The following KCNH7 variants were observed in gnomAD, a reference collection of about 807,000 sequenced individuals.
The protein encoded by KCNH7 is voltage-gated inwardly rectifying potassium channel KCNH7.
Under a neutral mutation model 120.8 loss-of-function variants are expected in KCNH7, and 49 were observed. That is an observed-to-expected ratio of 0.41 (90% CI 0.32 to 0.51). KCNH7 has a LOEUF of 0.51. Among genes scored for constraint, KCNH7 ranks in the 20% least tolerant of loss-of-function variants. KCNH7 has a pLI of 0.38. For synonymous variants in KCNH7, 547 were observed against 516.1 expected (o/e 1.06, Z -0.81); for missense variants, 1,097 against 1,446.6 (o/e 0.76, Z 3.92).
chr2:162,816,458 A>G (rs1298631613), intron 2 of KCNH7, among the ~76,000 whole-genome samples: 2 of 152,152 alleles, frequency 1.3e-5, no homozygotes, highest in African/African-American at 4.8e-5. Context: ...ACAGAAATCA[A>G]TAGAAAGTAC....
chr2:162,769,687 T>C (rs1031042747), intron 2 of KCNH7, among the ~76,000 whole-genome samples: 2 of 151,908 alleles, frequency 1.3e-5, no homozygotes, highest in African/African-American at 4.8e-5. Context: ...CATACATATA[T>C]ATGTTAGGTT....
At chr2:162,629,441 T>A in intron 2 of KCNH7, among the ~76,000 whole-genome samples, 1 of 151,850 alleles carries the variant, frequency 6.6e-6, no homozygotes, top group East Asian at 1.9e-4. Context: ...GAAGTGTAGA[T>A]GCAATGAAGT....
chr2:162,373,588 G>C lies in KCNH7; in HGVS notation c.3206C>G (p.Pro1069Arg). ...TCCTGCTGTTACCATACTGTAGGCT[G>C]GGGGGACCACAGTGGTTTGTTTCTG... is the stretch of plus-strand genomic sequence containing the variant. Reference protein sequence around the residue: ...LLQKQTTVVPPAYSMVTAGSE... With the variant: ...LLQKQTTVVPRAYSMVTAGSE... The change falls in exon 15 of 16, where the codon CCA becomes CGA. Residue 1069 changes from proline (P) to arginine (R), a missense_variant. Pro to Arg is a moderately radical substitution (Grantham distance 103). Around this residue, in one of 8 missense-constraint regions of KCNH7, gnomAD observed 406 missense variants for 410.5 expected, o/e 0.99. Coordinates refer to ENST00000332142, the MANE Select transcript of KCNH7 (RefSeq NM_033272.4). 1 of 1,580,386 alleles carries C rather than the reference G, an allele frequency of 6.3e-7. No individual in the cohort carries two copies. The highest frequency in any genetic ancestry group is 8.6e-7 in the Non-Finnish European group (1 of 1,162,674).
intron 6 of KCNH7, among the ~76,000 whole-genome samples, chr2:162,497,255 C>T (rs998714762): frequency 6.6e-6 from 1 of 151,984 alleles, no homozygotes. Context: ...GAACAAAGTT[C>T]AATATAAGTA....
At chr2:162,684,894 C>G (rs897303387) in intron 2 of KCNH7, among the ~76,000 whole-genome samples, 2 of 152,106 alleles carry the variant, frequency 1.3e-5, no homozygotes, top group African/African-American at 4.8e-5. Context: ...AAGACACATG[C>G]ACACGTATGT....
chr2:162,574,865 C>T (rs1412345870), intron 2 of KCNH7, among the ~76,000 whole-genome samples: 1 of 152,044 alleles, frequency 6.6e-6, no homozygotes, highest in African/African-American at 2.4e-5. Flanking sequence ...GGTTGTGTAA[C>T]AAAAGTCAAA....
chr2:162,605,630 T>A (rs1230738148), intron 2 of KCNH7, among the ~76,000 whole-genome samples: 1 of 152,146 alleles, frequency 6.6e-6, no homozygotes, highest in Non-Finnish European at 1.5e-5. Flanking sequence ...CTTTTCTTGT[T>A]TTGATTTCTA....
intron 6 of KCNH7, among the ~76,000 whole-genome samples, chr2:162,452,520 C>T (rs967905853): frequency 6.6e-6 from 1 of 152,010 alleles, no homozygotes; most frequent in African/African-American, 2.4e-5. Flanking sequence ...GACACAACCC[C>T]AATTTTGCCC....
chr2:162,772,572 A>T (rs1683095992), intron 2 of KCNH7, among the ~76,000 whole-genome samples: 1 of 152,178 alleles, frequency 6.6e-6, no homozygotes, highest in South Asian at 2.1e-4. Flanking sequence ...ATTGGCCACA[A>T]GTATTAAAGT....
intron 6 of KCNH7, among the ~76,000 whole-genome samples, chr2:162,450,794 G>A (rs574392707): frequency 1.8e-4 from 27 of 151,898 alleles, no homozygotes; most frequent in Non-Finnish European, 3.5e-4. Context: ...TGGAATGGAG[G>A]AAAAATGAAA....
rs563322155 is a variant in KCNH7, at chr2:162,454,142, C to T, written c.1129-7699G>A. Among the ~76,000 whole-genome samples, 10 of 152,038 alleles carry T rather than the reference C, an allele frequency of 6.6e-5. No individual in the cohort carries two copies. In the South Asian group the frequency reaches 1.7e-3, roughly 25 times the overall value. On this transcript the variant is annotated intron_variant, in intron 6 of 15. Coordinates refer to ENST00000332142, the MANE Select transcript of KCNH7 (RefSeq NM_033272.4). The stretch of plus-strand genomic sequence containing the variant: ...GAGTTAATTTTTCTATAAGGTGTAT[C>T]GAAGAGGTCCAGTTTCAGTTTTCTG...
intron 2 of KCNH7, among the ~76,000 whole-genome samples, chr2:162,571,498 C>T (rs1574117376): frequency 6.9e-6 from 1 of 144,256 alleles, no homozygotes; most frequent in South Asian, 2.3e-4. Context: ...TCAATGCCAT[C>T]CCCATCAAGC....
chr2:162,768,605 G>A (rs1282051853), intron 2 of KCNH7, among the ~76,000 whole-genome samples: 1 of 152,150 alleles, frequency 6.6e-6, no homozygotes, highest in Non-Finnish European at 1.5e-5. Flanking sequence ...GAATGAGAGA[G>A]GCCAGTAGGA....
chr2:162,566,255 C>CACTT (rs1425619182), intron 2 of KCNH7, among the ~76,000 whole-genome samples: 1 of 152,184 alleles, frequency 6.6e-6, no homozygotes, highest in African/African-American at 2.4e-5. Context: ...ATAGCCAAGA[C>CACTT]ACTTACCTGG....
intron 6 of KCNH7, among the ~76,000 whole-genome samples, chr2:162,499,468 A>C (rs1035639752): frequency 1.3e-5 from 2 of 152,128 alleles, no homozygotes; most frequent in African/African-American, 4.8e-5. Context: ...CAGGAAAAAA[A>C]ACACACACAT....
intron 12 of KCNH7, among the ~76,000 whole-genome samples, chr2:162,389,403 A>T (rs1348837378): frequency 1.3e-5 from 2 of 152,002 alleles, no homozygotes; most frequent in Non-Finnish European, 2.9e-5. Flanking sequence ...CATTTTTTCA[A>T]GTCCTATATA....
At chr2:162,598,339 C>G (rs1228065965) in intron 2 of KCNH7, among the ~76,000 whole-genome samples, 1 of 151,880 alleles carries the variant, frequency 6.6e-6, no homozygotes, top group African/African-American at 2.4e-5. Flanking sequence ...AAAGTAAGAA[C>G]ACAAGTGAGA....
At chr2:162,811,578 C>T (rs1459460585) in intron 2 of KCNH7, among the ~76,000 whole-genome samples, 4 of 152,064 alleles carry the variant, frequency 2.6e-5, no homozygotes, top group East Asian at 1.9e-4. Flanking sequence ...ATTTTTGTTT[C>T]GTCACATAAA....
At chr2:162,682,364 C>G (rs1685740059) in intron 2 of KCNH7, among the ~76,000 whole-genome samples, 1 of 151,438 alleles carries the variant, frequency 6.6e-6, no homozygotes, top group Admixed American at 6.6e-5. Flanking sequence ...CCACTTTCTA[C>G]CAATTGTAAG....
Sources: gnomAD v4.1 joint callset for allele counts (sites outside exome capture counted in the v4.1 genomes callset) on GRCh38, gnomAD v4.1.1 for gene constraint, gnomAD v4.1.1 regional missense constraint, MANE v1.5 for transcripts, NCBI Gene and HGNC (gene_info 2026-07-23, HGNC 2026-07-21) for gene names.